MYO9A: variants seen among roughly 807,000 people sequenced by gnomAD.
The protein encoded by MYO9A is unconventional myosin-IXa.
Under a neutral mutation model 293.3 loss-of-function variants are expected in MYO9A, and 103 were observed. That is an observed-to-expected ratio of 0.35 (90% confidence interval 0.30 to 0.41). The LOEUF is 0.41. Among genes scored for constraint, MYO9A ranks in the 10% least tolerant of loss-of-function variants. The pLI, the probability that MYO9A is intolerant of heterozygous loss-of-function variation, is 1.00. For missense variants in MYO9A, 2,685 were observed against 3,033.0 expected, an observed-to-expected ratio of 0.89 and a Z score of 2.69; for synonymous variants, 1,001 against 1,035.7, an observed-to-expected ratio of 0.97 and a Z score of 0.64.
chr15:71,946,808 G>T (rs762280582), intron 15 of MYO9A, among the ~76,000 whole-genome samples: 31 of 152,148 alleles, frequency 2.0e-4, no homozygotes, highest in Admixed American at 6.5e-4. Context: ...CAACTTCATT[G>T]TTCTTTTCAA....
chr15:71,826,441 T>A lies in MYO9A; in HGVS notation c.*139A>T, dbSNP rs1318986728. 1.8e-5 allele frequency: 15 copies of A among 815,166 alleles called. No homozygotes were observed. In the East Asian group the frequency reaches 3.8e-4, roughly 21 times the overall value. 50.5% of individuals were successfully genotyped at this position (815,166 alleles called of 1,614,324 possible). On this transcript the variant is annotated 3_prime_UTR_variant, in exon 42 of 42. Transcript: ENST00000356056. ...GCAGGAGGCCCAGGAATTCAGCACA[T>A]ACAGTCTTAGCCATATGCTTAGAAA...
chr15:72,013,261 G>A (rs1054885166), intron 6 of MYO9A, among the ~76,000 whole-genome samples: 6 of 152,160 alleles, frequency 3.9e-5, no homozygotes, highest in South Asian at 2.1e-4. Flanking sequence ...GGGAGCTACT[G>A]TATTTATTTA....
rs118109377 is a variant in MYO9A at position 71,967,981 on chromosome 15, G to T, written c.1986+3C>A. ...AAGCATATTCAGTGAGAAATTTACT[G>T]ACCTTTACCCCATATTTTACTTTTC... On this transcript the variant is annotated splice_donor_region_variant and intron_variant, in intron 13 of 41. Transcript: ENST00000356056. 7.3e-3 allele frequency: 11,625 copies of T among 1,602,312 alleles called. 57 individuals are homozygous for T. Among genetic ancestry groups the T allele is most frequent in the Non-Finnish European group, 8.3e-3 (9,804 of 1,174,590 alleles).
In MYO9A at chr15:71,904,000, GCTGT is replaced by G; in HGVS notation, c.2802_2805del (p.Arg934SerfsTer28). ...GTTTCCAGCATCCCGGTGTATCGAA[GCTGT>G]CTAAGTACCAAGACATCACTGAACC... On this transcript the variant is annotated frameshift_variant, in exon 21 of 42. Transcript: ENST00000356056. LOFTEE classifies it high-confidence loss of function. The G allele has an allele frequency of 6.2e-7, 1 of 1,613,990 alleles. No individual in the cohort carries two copies. The highest frequency in any genetic ancestry group is 8.5e-7 in the Non-Finnish European group (1 of 1,179,988).
chr15:71,931,560 G>A (rs961079735), intron 18 of MYO9A, among the ~76,000 whole-genome samples: 7 of 152,066 alleles, frequency 4.6e-5, no homozygotes, highest in South Asian at 2.1e-4. Flanking sequence ...ATTATAACAT[G>A]TCTTAATAAG....
At chr15:71,957,957 ACTGTATAATTCCCAGTCAGGTTATTT>A (rs2059242314) in intron 14 of MYO9A, among the ~76,000 whole-genome samples, 1 of 152,146 alleles carries the variant, frequency 6.6e-6, no homozygotes, top group Non-Finnish European at 1.5e-5. Flanking sequence ...AGTTCTACAT[ACTGTATAATTCCCAGTCAGGTTATTT>A]CTGTATAATT....
chr15:71,851,731 G>A (rs1051082237), intron 36 of MYO9A, among the ~76,000 whole-genome samples: 2 of 152,166 alleles, frequency 1.3e-5, no homozygotes, highest in Admixed American at 6.6e-5. Flanking sequence ...TTACAGCACT[G>A]AGAAACTAAA....
At chr15:71,862,428 A>G in intron 33 of MYO9A, 72 bp downstream of exon 33, 1 of 1,167,686 alleles carries the variant, frequency 8.6e-7, no homozygotes, top group East Asian at 2.4e-5. Context: ...ATGTTAAAGG[A>G]GATATAAGAC....
At chr15:72,058,394 G>A (rs2078781261) in intron 1 of MYO9A, among the ~76,000 whole-genome samples, 1 of 152,022 alleles carries the variant, frequency 6.6e-6, no homozygotes, top group Admixed American at 6.6e-5. Context: ...GAGTTGAACA[G>A]CAATTCTTAG....
chr15:71,997,397 G>A (rs972379361), intron 9 of MYO9A, among the ~76,000 whole-genome samples: 1 of 152,016 alleles, frequency 6.6e-6, no homozygotes, highest in African/African-American at 2.4e-5. Context: ...GCAGGAGTTC[G>A]AGATCAGCCT....
At chr15:71,865,832 G>C (rs2056305069) in intron 32 of MYO9A, among the ~76,000 whole-genome samples, 1 of 152,122 alleles carries the variant, frequency 6.6e-6, no homozygotes, top group Non-Finnish European at 1.5e-5. Context: ...TTTTATCTCA[G>C]TTTTAAAAAA....
intron 4 of MYO9A, among the ~76,000 whole-genome samples, chr15:72,024,501 G>A (rs1480412721): frequency 6.6e-6 from 1 of 152,088 alleles, no homozygotes; most frequent in Non-Finnish European, 1.5e-5. Context: ...CGAACTCCTG[G>A]CCTCAAGTGA....
chr15:71,862,429 G>T (rs1306526779), intron 33 of MYO9A, 71 bp downstream of exon 33: 7 of 1,186,012 alleles, frequency 5.9e-6, no homozygotes, highest in Non-Finnish European at 6.3e-6. Context: ...TGTTAAAGGA[G>T]ATATAAGACA....
At chr15:71,829,060 G>A (rs779505470) in intron 40 of MYO9A, among the ~76,000 whole-genome samples, 7 of 152,120 alleles carry the variant, frequency 4.6e-5, no homozygotes, top group Non-Finnish European at 8.8e-5. Flanking sequence ...GACTCTGCTC[G>A]TTCTTCTTTC....
chr15:72,079,753 G>A (rs1458989033), intron 1 of MYO9A, among the ~76,000 whole-genome samples: 1 of 152,024 alleles, frequency 6.6e-6, no homozygotes, highest in East Asian at 1.9e-4. Context: ...TTTCCAATTC[G>A]CTATTATTAG....
At chr15:71,862,646 CA>C in intron 32 of MYO9A, 35 bp from the exon 33 acceptor site, 1 of 1,415,550 alleles carries the variant, frequency 7.1e-7, no homozygotes, top group Non-Finnish European at 1.0e-6. Context: ...ATATTAAAGC[CA>C]ACACAGTAAA....
intron 1 of MYO9A, among the ~76,000 whole-genome samples, chr15:72,086,651 G>A (rs1203765372): frequency 2.6e-5 from 4 of 151,882 alleles, no homozygotes; most frequent in South Asian, 2.1e-4. Flanking sequence ...TGGGGGGGCC[G>A]GGGCAGTGGT....
At chr15:72,115,144 G>GT (rs1192918478) in intron 1 of MYO9A, among the ~76,000 whole-genome samples, 2 of 152,192 alleles carry the variant, frequency 1.3e-5, no homozygotes, top group African/African-American at 2.4e-5. Flanking sequence ...ACTAGAATAA[G>GT]TTTTTTAAAG....
chr15:71,833,956 T>C (rs577911302), intron 39 of MYO9A, among the ~76,000 whole-genome samples: 55 of 152,158 alleles, frequency 3.6e-4, no homozygotes, highest in African/African-American at 1.3e-3. Context: ...TGTAAGACTC[T>C]ATTTCAGGAA....
Sources: gnomAD v4.1 joint callset for allele counts (sites outside exome capture counted in the v4.1 genomes callset) on GRCh38, gnomAD v4.1.1 for gene constraint, MANE v1.5 for transcripts, NCBI Gene and HGNC (gene_info 2026-07-23, HGNC 2026-07-21) for gene names.